Variants in CACNB4 observed in about 807,000 individuals in gnomAD.
The protein encoded by CACNB4 is voltage-dependent L-type calcium channel subunit beta-4.
Under a neutral mutation model 71.2 loss-of-function variants are expected in CACNB4, and 32 were observed. The observed-to-expected ratio is 0.45, with a 90% CI of 0.34 to 0.60. The LOEUF (loss-of-function observed/expected upper bound fraction) is 0.60, where lower values mean the gene tolerates loss of function less well. Among genes scored for constraint, CACNB4 ranks in the 20% least tolerant of loss-of-function variants. The probability of loss-of-function intolerance (pLI) is 0.01; values close to 1 mark genes in which losing one functional copy is unlikely to be tolerated. For synonymous variants in CACNB4, 231 were observed against 236.9 expected (o/e 0.97, Z 0.23); for missense variants, 464 against 647.9 (o/e 0.72, Z 3.08).
chr2:151,953,609 A>T (rs748789125), intron 2 of CACNB4, among the ~76,000 whole-genome samples: 1 of 152,260 alleles, frequency 6.6e-6, no homozygotes. Context: ...CCAAACAGTT[A>T]GTAAACGGAA....
intron 2 of CACNB4, among the ~76,000 whole-genome samples, chr2:151,906,270 T>G (rs1158766000): frequency 6.6e-6 from 1 of 152,236 alleles, no homozygotes; most frequent in Non-Finnish European, 1.5e-5. Flanking sequence ...ACTTCTCATG[T>G]TTCATCACAT....
At chr2:151,999,276 A>C (rs1682258450) in intron 2 of CACNB4, among the ~76,000 whole-genome samples, 2 of 152,016 alleles carry the variant, frequency 1.3e-5, no homozygotes, top group South Asian at 4.2e-4. Flanking sequence ...TCTATCTTTT[A>C]AAATCCAGTC....
At chr2:151,944,040 T>G (rs1053242389) in intron 2 of CACNB4, among the ~76,000 whole-genome samples, 2 of 151,434 alleles carry the variant, frequency 1.3e-5, no homozygotes, top group African/African-American at 4.8e-5. Context: ...TTTTTTTTTT[T>G]TTTTTAGAGA....
At chr2:151,841,738 C>G in intron 13 of CACNB4, 165 bp downstream of exon 13, 1 of 600,376 alleles carries the variant, frequency 1.7e-6, no homozygotes, top group South Asian at 2.4e-5. Flanking sequence ...GGGTAGTTTT[C>G]TCTAGGATAG....
chr2:151,956,698 A>G (rs951989084), intron 2 of CACNB4, among the ~76,000 whole-genome samples: 4 of 152,224 alleles, frequency 2.6e-5, no homozygotes, highest in Admixed American at 1.3e-4. Context: ...TATGCAGTGA[A>G]GCTGTTATTA....
At chr2:151,863,051 T>C (rs2099842146) in intron 9 of CACNB4, among the ~76,000 whole-genome samples, 1 of 151,494 alleles carries the variant, frequency 6.6e-6, no homozygotes, top group Admixed American at 6.6e-5. Context: ...GAATAGGGTT[T>C]GTGTGGTTTT....
rs879497687 is a variant in CACNB4, at chr2:151,983,706, C to CACACACACAG, written c.148-100337_148-100336insCTGTGTGTGT. ...ACACACACACACACACACACACACA[C>CACACACACAG]ACACACAGGGCTTTGCAAGTTATTT... On this transcript the variant is annotated intron_variant, in intron 2 of 13. Coordinates refer to ENST00000539935, the MANE Select transcript of CACNB4 (RefSeq NM_000726.5). 2.4e-4 allele frequency among the ~76,000 whole-genome samples: 36 copies of CACACACACAG among 149,970 alleles called. No homozygotes were observed. The East Asian group carries it at 5.6e-3, about 23-fold the overall frequency.
chr2:151,998,381 C>T (rs112014517), intron 2 of CACNB4, among the ~76,000 whole-genome samples: 2,972 of 148,976 alleles, frequency 0.02, 36 homozygotes, highest in Middle Eastern at 0.031. Context: ...GGAAAATATG[C>T]GATAAGTAGA....
chr2:152,070,408 C>A (rs1176025239), intron 2 of CACNB4, among the ~76,000 whole-genome samples: 2 of 152,068 alleles, frequency 1.3e-5, no homozygotes, highest in African/African-American at 4.8e-5. Flanking sequence ...GGTTGTAATT[C>A]TTTATGCATA....
At chr2:151,978,740 G>T (rs2099874216) in intron 2 of CACNB4, among the ~76,000 whole-genome samples, 1 of 152,032 alleles carries the variant, frequency 6.6e-6, no homozygotes, top group African/African-American at 2.4e-5. Flanking sequence ...TGCCTCTAGG[G>T]TGGGATTGCT....
At chr2:151,996,457 A>G (rs905456790) in intron 2 of CACNB4, among the ~76,000 whole-genome samples, 3 of 150,700 alleles carry the variant, frequency 2.0e-5, no homozygotes, top group African/African-American at 7.4e-5. Context: ...AGCCTGGGCA[A>G]CAGAGCAAGA....
At chr2:152,015,984 G>A (rs1049742571) in intron 2 of CACNB4, among the ~76,000 whole-genome samples, 1 of 152,172 alleles carries the variant, frequency 6.6e-6, no homozygotes, top group Admixed American at 6.5e-5. Context: ...AGGTATTTAC[G>A]CAAAAGCTTT....
intron 2 of CACNB4, chr2:151,969,158 T>TGTGGTCAGATGTGTGG (rs2099871891): frequency 6.6e-6 from 1 of 152,224 alleles, no homozygotes. Flanking sequence ...CATTTGGTTT[T>TGTGGTCAGATGTGTGG]CTTCTGTGGT....
chr2:151,834,211 C>T lies in CACNB4; in HGVS notation c.*4908G>A, dbSNP rs939316805. On this transcript the variant is annotated 3_prime_UTR_variant, in exon 14 of 14. Transcript: ENST00000539935. ...CTGGTTCTTAGTTCCCCTTGTAACT[C>T]CTTATAATTTTCAAATGAGGAAGTA... The T allele has an allele frequency of 6.6e-6, 1 of 152,032 alleles. No individual in the cohort carries two copies. The highest frequency in any genetic ancestry group is 2.4e-5 in the African/African-American group (1 of 41,442). 9.4% of individuals were successfully genotyped at this position (152,032 alleles called of 1,614,324 possible).
intron 2 of CACNB4, among the ~76,000 whole-genome samples, chr2:151,898,228 T>G (rs142411765): frequency 6.6e-6 from 1 of 152,338 alleles, no homozygotes; most frequent in East Asian, 1.9e-4. Context: ...CCTTTGCATA[T>G]GAGGCTGACA....
chr2:151,894,941 C>A (rs149176664), intron 2 of CACNB4, among the ~76,000 whole-genome samples: 1 of 152,048 alleles, frequency 6.6e-6, no homozygotes, highest in Non-Finnish European at 1.5e-5. Context: ...AGACATCCCA[C>A]GTTCATGGAT....
chr2:152,029,493 C>CAA (rs4036226), intron 2 of CACNB4, among the ~76,000 whole-genome samples: 7 of 108,824 alleles, frequency 6.4e-5, no homozygotes, highest in African/African-American at 2.0e-4. Context: ...GACTCGATCT[C>CAA]AAAAAAAAAA....
At chr2:151,980,676 CA>C (rs2151748650) in intron 2 of CACNB4, among the ~76,000 whole-genome samples, 1 of 152,280 alleles carries the variant, frequency 6.6e-6, no homozygotes, top group Non-Finnish European at 1.5e-5. Context: ...AAAGAGCTCA[CA>C]AAGTGAAATA....
At position 152,098,863 on chromosome 2, in the gene CACNB4, G is replaced by A; in HGVS notation, c.63+86C>T. Reference sequence around the variant, plus strand: ...CCGGGACTGGGGCCCCGCACGCCCGGCACGAAGGCGGGGCGCGCTAGGGCG... The same window carrying A: ...CCGGGACTGGGGCCCCGCACGCCCGACACGAAGGCGGGGCGCGCTAGGGCG... On this transcript the variant is annotated intron_variant, in intron 1 of 13. Coordinates refer to ENST00000539935, the MANE Select transcript of CACNB4 (RefSeq NM_000726.5). The surrounding 1 kb of genome is among the most constrained non-coding windows in gnomAD (Gnocchi z 5.3). The A allele has an allele frequency of 8.7e-7, 1 of 1,156,068 alleles. No homozygotes were observed. The highest frequency in any genetic ancestry group is 1.2e-6 in the Non-Finnish European group (1 of 833,688). The allele number at this position is 1,156,068 out of a possible 1,614,324, so 71.6% of individuals were successfully genotyped here. A position where few individuals can be genotyped will look rare whatever the true frequency, so the allele number is the denominator to read the frequency against.
Sources: gnomAD v4.1 joint callset for allele counts (sites outside exome capture counted in the v4.1 genomes callset) on GRCh38, gnomAD v4.1.1 for gene constraint, Gnocchi (gnomAD v3.1) non-coding constraint, MANE v1.5 for transcripts, NCBI Gene and HGNC (gene_info 2026-07-23, HGNC 2026-07-21) for gene names.